Variants in SIPA1L1 observed in about 807,000 individuals in gnomAD.
The protein encoded by SIPA1L1 is signal-induced proliferation-associated 1-like protein 1.
In SIPA1L1, 26 loss-of-function variants were observed where a neutral mutation model predicts 162.7. The observed-to-expected ratio is 0.16, with a 90% CI of 0.12 to 0.22. SIPA1L1 has a LOEUF of 0.22. SIPA1L1 is among the 10% of genes least tolerant of loss of function. SIPA1L1 has a pLI of 1.00. For missense variants in SIPA1L1, 1,874 were observed against 2,241.0 expected, an observed-to-expected ratio of 0.84 and a Z score of 3.31; for synonymous variants, 829 against 837.4, an observed-to-expected ratio of 0.99 and a Z score of 0.17.
In SIPA1L1 at chr14:71,730,261, G is replaced by A; in HGVS notation, c.4821G>A (p.Leu1607=). 1 of 1,614,148 alleles carries A rather than the reference G, an allele frequency of 6.2e-7. No homozygotes were observed. Among genetic ancestry groups the A allele is most frequent in the Non-Finnish European group, 8.5e-7 (1 of 1,180,024 alleles). The stretch of plus-strand genomic sequence containing the variant: ...CTTCTCTCCCCAAGTCGCTCCCGTT[G>A]AGGAGGCCTTCTTACACCTTAGGAA... ...TYPSLPKSLP[L]RRPSYTLGMK... is the part of the protein sequence containing the mutation. Residue 1607 remains leucine, a synonymous_variant, in exon 20 of 24, where the codon TTG becomes TTA. Transcript: ENST00000381232.
At chr14:71,674,483 T>A (rs1230977752) in intron 12 of SIPA1L1, among the ~76,000 whole-genome samples, 1 of 152,196 alleles carries the variant, frequency 6.6e-6, no homozygotes, top group Non-Finnish European at 1.5e-5. Context: ...AAAAGCACTT[T>A]TTTATGGGTT....
chr14:71,709,684 G>A lies in SIPA1L1; in HGVS notation c.4208+20G>A. 3.1e-6 allele frequency: 5 copies of A among 1,594,234 alleles called. No individual in the cohort carries two copies. Among genetic ancestry groups the A allele is most frequent in the Middle Eastern group, 1.7e-4 (1 of 5,920 alleles). ...CACAAGGTAACCACCCTTCCCCGCT[G>A]TCTGATTCCCAGCCCAGACCTAAGC... On this transcript the variant is annotated intron_variant, in intron 17 of 23. Coordinates refer to ENST00000381232, the MANE Select transcript of SIPA1L1 (RefSeq NM_001386936.1).
rs2085020701 is a variant in SIPA1L1 at position 71,733,695 on chromosome 14, A to G, written c.4891A>G (p.Thr1631Ala). The G allele has an allele frequency of 6.2e-7, 1 of 1,613,934 alleles. No homozygotes were observed. The highest frequency in any genetic ancestry group is 8.5e-7 in the Non-Finnish European group (1 of 1,179,974). Reference sequence around the variant, plus strand: ...GTTCTCAGCCTCGGACAGCTCCCTCACTGACATCCAGGAGACCCGCAGGCA... The same window carrying G: ...GTTCTCAGCCTCGGACAGCTCCCTCGCTGACATCCAGGAGACCCGCAGGCA... ...GEFSASDSSL[T>A]DIQETRRQPM... The change falls in exon 21 of 24, where the codon ACT (threonine) becomes GCT (alanine). Residue 1631 changes from threonine to alanine, a missense_variant. By Grantham distance (58) the Thr-to-Ala change is moderately conservative. Transcript: ENST00000381232.
chr14:71,351,771 ATAAT>A (rs1413543795), intron 2 of SIPA1L1, among the ~76,000 whole-genome samples: 2 of 152,190 alleles, frequency 1.3e-5, no homozygotes, highest in Non-Finnish European at 2.9e-5. Context: ...ATCCACAAAC[ATAAT>A]TAAACAATTA....
Position 71,567,430 on chromosome 14 carries a change from AGCAACGT to A in SIPA1L1, c.-302-20139_-302-20133del, listed in dbSNP as rs549118320. ...TTATAAAGGATCTATAACTTTTTGT[AGCAACGT>A]GGAGAAATCTTGATAGTAATTTTTT... On this transcript the variant is annotated intron_variant, in intron 4 of 23. Coordinates refer to ENST00000381232, the MANE Select transcript of SIPA1L1 (RefSeq NM_001386936.1). 3.8e-4 allele frequency among the ~76,000 whole-genome samples: 58 copies of A among 152,350 alleles called. 1 individual carries two copies. The East Asian group carries it at 0.011, about 28-fold the overall frequency.
chr14:71,696,596 A>T (rs2081648511), intron 13 of SIPA1L1, among the ~76,000 whole-genome samples: 1 of 152,240 alleles, frequency 6.6e-6, no homozygotes, highest in Non-Finnish European at 1.5e-5. Flanking sequence ...GGCATCTGAC[A>T]TAACTATGGT....
chr14:71,326,690 T>C (rs1214253393), intron 2 of SIPA1L1, among the ~76,000 whole-genome samples: 1 of 152,130 alleles, frequency 6.6e-6, no homozygotes, highest in Admixed American at 6.5e-5. Context: ...TGTAAATTAT[T>C]TATCTAGATA....
At chr14:71,329,328 A>G (rs1008240327) in intron 2 of SIPA1L1, among the ~76,000 whole-genome samples, 13 of 151,868 alleles carry the variant, frequency 8.6e-5, no homozygotes, top group African/African-American at 3.1e-4. Context: ...AGGAACCTCC[A>G]TACTGTTTTT....
intron 5 of SIPA1L1, among the ~76,000 whole-genome samples, chr14:71,601,242 C>T (rs566851266): frequency 2.5e-4 from 38 of 152,102 alleles, no homozygotes; most frequent in Admixed American, 8.5e-4. Context: ...GTCATATATG[C>T]CCTTTATGAT....
chr14:71,425,716 A>G (rs1334055990), intron 2 of SIPA1L1, among the ~76,000 whole-genome samples: 1 of 152,026 alleles, frequency 6.6e-6, no homozygotes, highest in African/African-American at 2.4e-5. Context: ...CTGTTAGTTC[A>G]GTTGGTTTCT....
chr14:71,682,095 C>T (rs1353147105), intron 12 of SIPA1L1, among the ~76,000 whole-genome samples: 1 of 152,166 alleles, frequency 6.6e-6, no homozygotes, highest in Non-Finnish European at 1.5e-5. Flanking sequence ...GGTTTAAATC[C>T]TGGCTTTGCC....
At chr14:71,405,652 C>T (rs982631628) in intron 2 of SIPA1L1, among the ~76,000 whole-genome samples, 2 of 152,196 alleles carry the variant, frequency 1.3e-5, no homozygotes, top group Non-Finnish European at 2.9e-5. Context: ...ACACAACCTG[C>T]TGTTGTGCTG....
chr14:71,730,509 C>G (rs542175605), intron 20 of SIPA1L1, among the ~76,000 whole-genome samples: 1 of 152,164 alleles, frequency 6.6e-6, no homozygotes, highest in Non-Finnish European at 1.5e-5. Context: ...ATAACAGATT[C>G]CCACACTGGA....
At chr14:71,402,376 T>C (rs2041734295) in intron 2 of SIPA1L1, among the ~76,000 whole-genome samples, 1 of 148,592 alleles carries the variant, frequency 6.7e-6, no homozygotes, top group Non-Finnish European at 1.5e-5. Flanking sequence ...TGAGACAAGG[T>C]TTCTCTCTGT....
chr14:71,461,889 T>G (rs2046630392), intron 2 of SIPA1L1, among the ~76,000 whole-genome samples: 1 of 152,070 alleles, frequency 6.6e-6, no homozygotes, highest in Non-Finnish European at 1.5e-5. Context: ...TGTCAACTGA[T>G]GATAGGGAAC....
chr14:71,554,449 G>A (rs2056166129), intron 4 of SIPA1L1, among the ~76,000 whole-genome samples: 1 of 152,126 alleles, frequency 6.6e-6, no homozygotes, highest in Non-Finnish European at 1.5e-5. Flanking sequence ...ATGTAGGCTG[G>A]TGAGAAAAGA....
rs576106475 is a variant in SIPA1L1 at position 71,600,263 on chromosome 14, T to A, written c.1498+10893T>A. 1.3e-4 allele frequency among the ~76,000 whole-genome samples: 20 copies of A among 152,336 alleles called. 1 individual carries two copies. In the South Asian group the frequency reaches 3.9e-3, roughly 30 times the overall value. ...AGTTTCAGGTCATATGTTTATTATG[T>A]CTTTAATCCATCTTCAGTTGATTTT... On this transcript the variant is annotated intron_variant, in intron 5 of 23. Coordinates refer to ENST00000381232, the MANE Select transcript of SIPA1L1 (RefSeq NM_001386936.1).
chr14:71,463,157 T>C (rs1247273457), intron 2 of SIPA1L1, among the ~76,000 whole-genome samples: 1 of 152,232 alleles, frequency 6.6e-6, no homozygotes, highest in Non-Finnish European at 1.5e-5. Flanking sequence ...CTGCAGTCTC[T>C]TTAGGCATGC....
At chr14:71,738,161 T>TAAAAAAAA (rs34549978) in intron 22 of SIPA1L1, 80 bp from the exon 23 acceptor site, 19 of 368,952 alleles carry the variant, frequency 5.1e-5, no homozygotes, top group South Asian at 1.6e-4. Context: ...CTCCTCAGAG[T>TAAAAAAAA]AAAAAAAAAA....
Sources: gnomAD v4.1 joint callset for allele counts (sites outside exome capture counted in the v4.1 genomes callset) on GRCh38, gnomAD v4.1.1 for gene constraint, MANE v1.5 for transcripts, NCBI Gene and HGNC (gene_info 2026-07-23, HGNC 2026-07-21) for gene names.